CSMD1: variants seen among roughly 807,000 people sequenced by gnomAD.
CSMD1 encodes the protein CUB and Sushi multiple domains 1, also known as CUB and sushi domain-containing protein 1.
CSMD1 carries 213 observed loss-of-function variants against 417.5 expected under a neutral mutation model. The observed-to-expected ratio is 0.51, with a 90% CI of 0.46 to 0.57. The LOEUF is 0.57. CSMD1 is among the 20% of genes least tolerant of loss of function. The probability of loss-of-function intolerance (pLI) is 0.00; values close to 1 mark genes in which losing one functional copy is unlikely to be tolerated. For synonymous variants in CSMD1, 2,862 were observed against 1,736.8 expected (o/e 1.65, Z -16.11); for missense variants, 6,923 against 4,529.7 (o/e 1.53, Z -15.17).
chr8:3,556,659 G>T (rs978381269), intron 10 of CSMD1, among the ~76,000 whole-genome samples: 2 of 151,788 alleles, frequency 1.3e-5, no homozygotes, highest in Middle Eastern at 3.4e-3. Context: ...TGTTAACGAG[G>T]ATAATGGTAA....
At chr8:3,394,917 T>C (rs270058) in intron 17 of CSMD1, among the ~76,000 whole-genome samples, 36,894 of 152,112 alleles carry the variant, frequency 0.24, 5,215 homozygotes, top group East Asian at 0.35. Flanking sequence ...TTTCCTGATA[T>C]TGGAATATTT....
intron 10 of CSMD1, among the ~76,000 whole-genome samples, chr8:3,558,750 T>C (rs1383188648): frequency 6.6e-6 from 1 of 151,414 alleles, no homozygotes; most frequent in Non-Finnish European, 1.5e-5. Flanking sequence ...CCTCCAATGA[T>C]GAATAGTGCC....
intron 2 of CSMD1, among the ~76,000 whole-genome samples, chr8:4,569,760 T>G (rs1798793744): frequency 6.6e-6 from 1 of 152,218 alleles, no homozygotes; most frequent in South Asian, 2.1e-4. Context: ...TATTGATTCT[T>G]TCTATCCATG....
At chr8:3,459,699 G>C (rs1488828826) in intron 12 of CSMD1, among the ~76,000 whole-genome samples, 1 of 152,086 alleles carries the variant, frequency 6.6e-6, no homozygotes, top group Non-Finnish European at 1.5e-5. Context: ...TTCAGGAATT[G>C]GGTTCCGAAA....
intron 7 of CSMD1, among the ~76,000 whole-genome samples, chr8:3,623,078 C>T (rs890287063): frequency 3.9e-5 from 6 of 152,118 alleles, no homozygotes; most frequent in Non-Finnish European, 7.3e-5. Flanking sequence ...TGGTTCATTA[C>T]ACACCATTAA....
chr8:4,525,179 C>G (rs1400401538), intron 2 of CSMD1, among the ~76,000 whole-genome samples: 3 of 152,198 alleles, frequency 2.0e-5, no homozygotes, highest in Non-Finnish European at 2.9e-5. Flanking sequence ...CCCACCTTCC[C>G]TCTATGCCAC....
At chr8:4,954,608 G>GAT (rs1808967246) in intron 1 of CSMD1, among the ~76,000 whole-genome samples, 1 of 152,010 alleles carries the variant, frequency 6.6e-6, no homozygotes, top group South Asian at 2.1e-4. Context: ...CTAAAAGAAG[G>GAT]ATATACTATA....
At chr8:4,305,296 G>T (rs552682250) in intron 3 of CSMD1, among the ~76,000 whole-genome samples, 1 of 152,118 alleles carries the variant, frequency 6.6e-6, no homozygotes. Flanking sequence ...TCAGCCTCCC[G>T]CTAGGAGAGA....
At chr8:4,986,983 TTTA>T (rs1811211025) in intron 1 of CSMD1, among the ~76,000 whole-genome samples, 1 of 152,142 alleles carries the variant, frequency 6.6e-6, no homozygotes, top group African/African-American at 2.4e-5. Context: ...ATAGATAATG[TTTA>T]TATACAGATA....
At chr8:4,581,370 T>G (rs776256378) in intron 2 of CSMD1, among the ~76,000 whole-genome samples, 13 of 152,230 alleles carry the variant, frequency 8.5e-5, no homozygotes, top group Non-Finnish European at 1.5e-4. Context: ...CTCGATATAC[T>G]GTACATTTTT....
intron 5 of CSMD1, among the ~76,000 whole-genome samples, chr8:3,795,238 T>TGTACAGATATAGATAC (rs1799999061): frequency 1.0e-5 from 1 of 99,856 alleles, no homozygotes; most frequent in African/African-American, 4.8e-5. Flanking sequence ...TAGATATATA[T>TGTACAGATATAGATAC]CTATCATGTA....
intron 3 of CSMD1, among the ~76,000 whole-genome samples, chr8:4,369,413 T>C (rs1186572538): frequency 6.6e-6 from 1 of 152,234 alleles, no homozygotes; most frequent in Non-Finnish European, 1.5e-5. Flanking sequence ...AGAAAGTATA[T>C]TCTATCACTG....
At chr8:4,317,285 G>C (rs1341067398) in intron 3 of CSMD1, among the ~76,000 whole-genome samples, 3 of 152,184 alleles carry the variant, frequency 2.0e-5, no homozygotes, top group East Asian at 1.9e-4. Context: ...AAAGCTGAAA[G>C]CACTGGTGTG....
At chr8:3,587,814 G>C (rs941136661) in intron 8 of CSMD1, among the ~76,000 whole-genome samples, 1 of 152,082 alleles carries the variant, frequency 6.6e-6, no homozygotes, top group Non-Finnish European at 1.5e-5. Context: ...GACTTTTCCA[G>C]ATTTATCTGT....
chr8:4,645,454 AAAAAAAAAAAAAAGGCAAGCAAAGC>A lies in CSMD1; in HGVS notation c.86-7921_86-7897del, dbSNP rs890299130. 1.3e-5 allele frequency among the ~76,000 whole-genome samples: 2 copies of A among 149,516 alleles called. 1 individual carries two copies. Among genetic ancestry groups the A allele is most frequent in the Admixed American group, 1.3e-4 (2 of 14,938 alleles). ...GGTGTAGTGCAGGGGCAAAAAAAAAAAAAAAAAAAAAAAGGCAAGCAAAGCACTGGGCTTCGGATCAAACAAATCT... is the reference window on the plus strand; with the variant it reads ...GGTGTAGTGCAGGGGCAAAAAAAAAAACTGGGCTTCGGATCAAACAAATCT... On this transcript the variant is annotated intron_variant, in intron 1 of 69. Transcript: ENST00000635120.
At chr8:3,216,474 T>C (rs939509134) in intron 29 of CSMD1, among the ~76,000 whole-genome samples, 6 of 152,200 alleles carry the variant, frequency 3.9e-5, no homozygotes, top group South Asian at 2.1e-4. Context: ...TTTTTGATCA[T>C]TTTTTTGTTA....
chr8:4,446,757 G>GTGTGTGTGTGTGTGTC (rs1563183303), intron 2 of CSMD1, among the ~76,000 whole-genome samples: 96 of 26,252 alleles, frequency 3.7e-3, no homozygotes, highest in African/African-American at 0.013. Flanking sequence ...GTGTGTGTCT[G>GTGTGTGTGTGTGTGTC]TGTGTGTGTG....
intron 5 of CSMD1, among the ~76,000 whole-genome samples, chr8:3,964,449 G>A (rs1380925779): frequency 6.6e-6 from 1 of 152,134 alleles, no homozygotes; most frequent in Non-Finnish European, 1.5e-5. Context: ...AGTGGAAGGA[G>A]ACACAGGTGC....
chr8:3,776,368 G>C (rs1029596935), intron 5 of CSMD1, among the ~76,000 whole-genome samples: 1 of 152,146 alleles, frequency 6.6e-6, no homozygotes, highest in African/African-American at 2.4e-5. Flanking sequence ...CTGTCTCACT[G>C]AGAGTAAAGC....
Sources: allele counts gnomAD v4.1 joint callset (sites outside exome capture counted in the v4.1 genomes callset), GRCh38; gene constraint gnomAD v4.1.1; transcripts MANE v1.5; gene names NCBI Gene and HGNC (gene_info 2026-07-23, HGNC 2026-07-21).